USP34: variants seen among roughly 807,000 people sequenced by gnomAD.
The protein encoded by USP34 is ubiquitin specific peptidase 34, also known as ubiquitin carboxyl-terminal hydrolase 34.
A neutral mutation model predicts 460.3 loss-of-function variants in USP34; 70 were observed. The ratio of observed to expected loss-of-function variants is 0.15; its 90% CI spans 0.13 to 0.19. The LOEUF is 0.19. USP34 is among the 10% of genes least tolerant of loss of function. The pLI is 1.00. For synonymous variants in USP34, 1,647 were observed against 1,405.3 expected (o/e 1.17, Z -3.85); for missense variants, 3,985 against 4,236.2 (o/e 0.94, Z 1.65).
At chr2:61,410,780 G>T (rs1467850660) in intron 2 of USP34, among the ~76,000 whole-genome samples, 1 of 152,016 alleles carries the variant, frequency 6.6e-6, no homozygotes, top group African/African-American at 2.4e-5. Flanking sequence ...GACAGAAAAG[G>T]GAAAAATAGT....
At chr2:61,330,652 T>C (rs1209935786) in intron 20 of USP34, among the ~76,000 whole-genome samples, 1 of 152,166 alleles carries the variant, frequency 6.6e-6, no homozygotes, top group African/African-American at 2.4e-5. Flanking sequence ...CATCGGTCCA[T>C]AACAATCAGC....
At chr2:61,281,436 AC>A (rs1264399718) in intron 37 of USP34, among the ~76,000 whole-genome samples, 194 bp from the exon 38 acceptor site, 3 of 152,130 alleles carry the variant, frequency 2.0e-5, no homozygotes, top group Non-Finnish European at 4.4e-5. Flanking sequence ...ACATGGCAAA[AC>A]CCTGTCACCA....
At chr2:61,278,039 T>C (rs987292497) in intron 41 of USP34, 126 bp downstream of exon 41, 1 of 1,214,854 alleles carries the variant, frequency 8.2e-7, no homozygotes, top group African/African-American at 1.5e-5. Context: ...TAAACCCTTT[T>C]CTTTTGTAAA....
At chr2:61,254,842 G>A (rs1262633418) in intron 48 of USP34, among the ~76,000 whole-genome samples, 1 of 152,118 alleles carries the variant, frequency 6.6e-6, no homozygotes, top group Admixed American at 6.5e-5. Flanking sequence ...AGTAGAACAA[G>A]TATAGCATTT....
chr2:61,343,545 T>C (rs189969654), intron 16 of USP34, among the ~76,000 whole-genome samples: 65 of 152,308 alleles, frequency 4.3e-4, no homozygotes, highest in Admixed American at 5.9e-4. Flanking sequence ...TTTTCTAAAA[T>C]ATAGAGCTTT....
In USP34 at chr2:61,295,176, C is replaced by G. The variant is rs761532563; in HGVS notation, c.4369G>C (p.Glu1457Gln). The G allele has an allele frequency of 7.5e-6, 12 of 1,609,718 alleles. No homozygotes were observed. In the East Asian group the frequency reaches 1.8e-4, roughly 24 times the overall value. Residue 1457 changes from glutamate to glutamine, a missense_variant, in exon 31 of 80, where the codon GAG (glutamate) becomes CAG (glutamine). Physicochemically the swap from Glu to Gln is conservative, Grantham distance 29. Around this residue, in one of 14 missense-constraint regions of USP34, gnomAD observed 1,114 missense variants for 1,122.5 expected, o/e 0.99. Transcript: ENST00000398571. The stretch of plus-strand genomic sequence containing the variant: ...AATGGAAATGCAATTACCGTAGACT[C>G]CCTCCTTATTCTTCTATTAGGTTTT... ...LGKPNRRIRR[E>Q]STGSYSDLYP...
intron 3 of USP34, among the ~76,000 whole-genome samples, chr2:61,401,475 T>C (rs1693716608): frequency 6.6e-6 from 1 of 151,010 alleles, no homozygotes; most frequent in Non-Finnish European, 1.5e-5. Flanking sequence ...TGGCCTCAAG[T>C]GGTCCTCTTG....
At chr2:61,395,099 A>G (rs1479620431) in intron 4 of USP34, 84 bp downstream of exon 4, 1 of 1,445,684 alleles carries the variant, frequency 6.9e-7, no homozygotes, top group Non-Finnish European at 9.4e-7. Context: ...CTCAAAAGAC[A>G]TATATAAATA....
chr2:61,223,355 T>C, intron 62 of USP34, 59 bp from the exon 63 acceptor site: 1 of 1,491,602 alleles, frequency 6.7e-7, no homozygotes, highest in East Asian at 2.3e-5. Flanking sequence ...TTTACAGCGA[T>C]TTACAACATG....
chr2:61,415,950 C>T (rs184542773), intron 2 of USP34, among the ~76,000 whole-genome samples: 1 of 152,122 alleles, frequency 6.6e-6, no homozygotes, highest in Non-Finnish European at 1.5e-5. Context: ...ACTAAGTAAA[C>T]ATTCATGAGG....
At chr2:61,417,386 G>A (rs1023192169) in intron 2 of USP34, 79 of 516,496 alleles carry the variant, frequency 1.5e-4, no homozygotes, top group Middle Eastern at 2.9e-4. Context: ...CAGGACCTCC[G>A]TAATCTTACA....
At chr2:61,228,775 A>C in intron 60 of USP34, 52 bp downstream of exon 60, 1 of 1,593,516 alleles carries the variant, frequency 6.3e-7, no homozygotes, top group Non-Finnish European at 8.5e-7. Flanking sequence ...ATTAAGTTGC[A>C]AATACTGAAA....
intron 1 of USP34, among the ~76,000 whole-genome samples, chr2:61,433,774 C>T (rs566651496): frequency 1.7e-4 from 26 of 152,264 alleles, no homozygotes; most frequent in African/African-American, 5.8e-4. Flanking sequence ...CCCCACCTAC[C>T]CCCAGTGAAA....
chr2:61,207,128 A>T (rs1687142144), intron 70 of USP34: 1 of 323,418 alleles, frequency 3.1e-6, no homozygotes, highest in South Asian at 7.0e-5. Flanking sequence ...AAATAGTTTA[A>T]TCACATTTTT....
At chr2:61,464,139 T>C (rs1026640182) in intron 1 of USP34, among the ~76,000 whole-genome samples, 1 of 152,156 alleles carries the variant, frequency 6.6e-6, no homozygotes, top group Non-Finnish European at 1.5e-5. Context: ...GCCAAACTGG[T>C]GAAAATTAGT....
intron 3 of USP34, among the ~76,000 whole-genome samples, chr2:61,395,569 C>A (rs370497893): frequency 6.8e-6 from 1 of 147,418 alleles, no homozygotes; most frequent in Non-Finnish European, 1.5e-5. Context: ...GAGGCCGAGG[C>A]GGGCGGATCA....
chr2:61,316,099 G>A (rs371317104), intron 23 of USP34, among the ~76,000 whole-genome samples: 4 of 151,600 alleles, frequency 2.6e-5, no homozygotes, highest in Non-Finnish European at 5.9e-5. Flanking sequence ...CCAGCTACTC[G>A]GGAGGTTGAA....
chr2:61,380,521 G>A (rs1235375328), intron 6 of USP34, among the ~76,000 whole-genome samples, 160 bp from the exon 7 acceptor site: 1 of 152,206 alleles, frequency 6.6e-6, no homozygotes, highest in Non-Finnish European at 1.5e-5. Context: ...CTCTTTGGCA[G>A]ATTCCTTCTC....
rs1403746145 is a variant in USP34 at position 61,280,240 on chromosome 2, A to C, written c.5256+4T>G. On this transcript the variant is annotated splice_donor_region_variant and intron_variant, in intron 39 of 79. Coordinates refer to ENST00000398571, the MANE Select transcript of USP34 (RefSeq NM_014709.4). ...TAGAATAGTATATAATTTTCTGAACATACCTGACTAGCGTCCTTTATATGT... is the reference window on the plus strand; with the variant it reads ...TAGAATAGTATATAATTTTCTGAACCTACCTGACTAGCGTCCTTTATATGT... 6 of 1,506,216 alleles carry C rather than the reference A, an allele frequency of 4.0e-6. No individual in the cohort carries two copies. Among genetic ancestry groups the C allele is most frequent in the Non-Finnish European group, 5.4e-6 (6 of 1,113,158 alleles). 93.3% of individuals were successfully genotyped at this position (1,506,216 alleles called of 1,614,324 possible). A position where few individuals can be genotyped will look rare whatever the true frequency, so the allele number is the denominator to read the frequency against.
Sources: allele counts gnomAD v4.1 joint callset (sites outside exome capture counted in the v4.1 genomes callset), GRCh38; gene constraint gnomAD v4.1.1; regional missense constraint gnomAD v4.1.1; transcripts MANE v1.5; gene names NCBI Gene and HGNC (gene_info 2026-07-23, HGNC 2026-07-21).